The following HSPA12B variants were observed in gnomAD, a reference collection of about 807,000 sequenced individuals.
The protein encoded by HSPA12B is heat shock protein family A (Hsp70) member 12B, also known as heat shock 70 kDa protein 12B.
Under a neutral mutation model 69.3 loss-of-function variants are expected in HSPA12B, and 54 were observed. The observed-to-expected ratio is 0.78, with a 90% CI of 0.63 to 0.98. The LOEUF (loss-of-function observed/expected upper bound fraction) is 0.98, where lower values mean the gene tolerates loss of function less well. HSPA12B is among the 50% of genes least tolerant of loss of function. The pLI is 0.00. For missense variants in HSPA12B, 929 were observed against 999.8 expected (o/e 0.93, Z 0.96); for synonymous variants, 441 against 436.5 (o/e 1.01, Z -0.13).
intron 11 of HSPA12B, among the ~76,000 whole-genome samples, chr20:3,750,463 G>A (rs962603145): frequency 6.6e-6 from 1 of 152,134 alleles, no homozygotes; most frequent in Non-Finnish European, 1.5e-5. Flanking sequence ...AATCATAGCG[G>A]GGAGGCGGCA....
At position 3,732,706 on chromosome 20, in the gene HSPA12B, G is replaced by T. The variant is rs2088049650; in HGVS notation, c.-106G>T. On this transcript the variant is annotated 5_prime_UTR_variant, in exon 1 of 13. Transcript: ENST00000254963. The stretch of plus-strand genomic sequence containing the variant: ...CCTCAGGGCCGGGCGCACGTCGAGG[G>T]CTGCGGCCGCCGCAGCGGGCACGGC... 1 of 151,580 alleles carries T rather than the reference G, an allele frequency of 6.6e-6. No homozygotes were observed. Among genetic ancestry groups the T allele is most frequent in the Admixed American group, 6.6e-5 (1 of 15,154 alleles). The allele number at this position is 151,580 out of a possible 1,614,324, so 9.4% of individuals were successfully genotyped here. A position where few individuals can be genotyped will look rare whatever the true frequency, so the allele number is the denominator to read the frequency against.
chr20:3,734,017 T>G (rs2146548063), intron 1 of HSPA12B, among the ~76,000 whole-genome samples: 1 of 152,242 alleles, frequency 6.6e-6, no homozygotes, highest in South Asian at 2.1e-4. Flanking sequence ...AGGCAAAGGG[T>G]TGGGCCCCTG....
At position 3,750,232 on chromosome 20, in the gene HSPA12B, G is replaced by T. The variant is rs1410162898; in HGVS notation, c.1301+5G>T. ...GACCGCTCTGCGCAGGAGCAGGTGG[G>T]TCCTGAGCCCGCGGGCTCAGGCAGG... On this transcript the variant is annotated splice_donor_5th_base_variant and intron_variant, in intron 11 of 12. Coordinates refer to ENST00000254963, the MANE Select transcript of HSPA12B (RefSeq NM_052970.5). 6.3e-7 allele frequency: 1 copy of T among 1,583,254 alleles called. No individual in the cohort carries two copies. Among genetic ancestry groups the T allele is most frequent in the South Asian group, 1.1e-5 (1 of 89,444 alleles).
At chr20:3,750,751 G>A in intron 11 of HSPA12B, 53 bp from the exon 12 acceptor site, 2 of 1,611,620 alleles carry the variant, frequency 1.2e-6, no homozygotes, top group Admixed American at 3.3e-5. Context: ...CCCAAACTGG[G>A]GCAAGCAGCT....
intron 1 of HSPA12B, among the ~76,000 whole-genome samples, chr20:3,735,373 A>G (rs2088092882): frequency 6.6e-6 from 1 of 152,084 alleles, no homozygotes; most frequent in Admixed American, 6.6e-5. Flanking sequence ...ACAATGAGAG[A>G]CGGTAGATAA....
rs188556710 is a variant in HSPA12B at position 3,737,771 on chromosome 20, G to A, written c.-17-887G>A. On this transcript the variant is annotated intron_variant, in intron 1 of 12. Transcript: ENST00000254963. This position sits in a 1 kb window ranked among gnomAD's most constrained non-coding sequence, Gnocchi z 4.1. ...TAATCCCAGCACTTTGAGAGGCCGA[G>A]GTGGGCGGATCACCTGAGGTCAGGA... Among the ~76,000 whole-genome samples the A allele has an allele frequency of 6.6e-6, 1 of 152,306 alleles. No individual in the cohort carries two copies. Among genetic ancestry groups the A allele is most frequent in the East Asian group, 1.9e-4 (1 of 5,184 alleles).
chr20:3,750,131 G>A lies in HSPA12B; in HGVS notation c.1205G>A (p.Arg402His). The change falls in exon 11 of 13, where the codon CGT becomes CAT. Residue 402 changes from arginine (R) to histidine (H), a missense_variant. Around this residue, in one of 3 missense-constraint regions of HSPA12B, gnomAD observed 448 missense variants for 448.1 expected, o/e 1.00. Coordinates refer to ENST00000254963, the MANE Select transcript of HSPA12B (RefSeq NM_052970.5). ...CGCAAGCGCACTGCTGGCCCACACC[G>A]TGCAGGGGCGCTCAACATCTCGCTG... Reference protein sequence around the residue: ...EARKRTAGPHRAGALNISLPF... With the variant: ...EARKRTAGPHHAGALNISLPF... 1 of 1,611,928 alleles carries A rather than the reference G, an allele frequency of 6.2e-7. No homozygotes were observed.
At chr20:3,734,234 G>C (rs115366715) in intron 1 of HSPA12B, among the ~76,000 whole-genome samples, 33 of 152,316 alleles carry the variant, frequency 2.2e-4, no homozygotes, top group African/African-American at 7.2e-4. Context: ...GATACTCTGG[G>C]ATGGGAGTCT....
Position 3,752,071 on chromosome 20 carries a change from G to A in HSPA12B, c.1966G>A (p.Ala656Thr), listed in dbSNP as rs368204979. 3.3e-5 allele frequency: 51 copies of A among 1,537,802 alleles called. 1 individual carries two copies. The highest frequency in any genetic ancestry group is 2.0e-4 in the Admixed American group (10 of 50,488). ...APPGRREIRAAMQFGDTEIKV... is the reference protein window; with the variant it reads ...APPGRREIRATMQFGDTEIKV... Reference sequence around the variant, plus strand: ...TCCCGGCCGCCGCGAGATCCGCGCCGCCATGCAGTTTGGCGACACCGAAAT... The same window carrying A: ...TCCCGGCCGCCGCGAGATCCGCGCCACCATGCAGTTTGGCGACACCGAAAT... The change falls in exon 13 of 13, where the codon GCC becomes ACC. Residue 656 changes from alanine (A) to threonine (T), a missense_variant. Transcript: ENST00000254963.
rs560672784 is a variant in HSPA12B at position 3,748,547 on chromosome 20, G to A, written c.850+156G>A. Among the ~76,000 whole-genome samples the A allele has an allele frequency of 7.2e-5, 11 of 152,338 alleles. No homozygotes were observed. The East Asian group carries it at 2.1e-3, about 29-fold the overall frequency. The stretch of plus-strand genomic sequence containing the variant: ...ACATGGCTGGTGGAGCCTGTCTGAG[G>A]AAGGGAGGCACAGCCCTGCCCAAGG... On this transcript the variant is annotated intron_variant, in intron 8 of 12. Coordinates refer to ENST00000254963, the MANE Select transcript of HSPA12B (RefSeq NM_052970.5).
chr20:3,748,459 C>A, intron 8 of HSPA12B, 68 bp downstream of exon 8: 3 of 1,359,792 alleles, frequency 2.2e-6, no homozygotes, highest in Non-Finnish European at 2.9e-6. Context: ...AGAAGCTCAG[C>A]CATGTCTAGT....
At position 3,744,993 on chromosome 20, in the gene HSPA12B, T is replaced by C. The variant is rs767401550; in HGVS notation, c.358T>C (p.Tyr120His). The change falls in exon 5 of 13, where the codon TAC becomes CAC. Residue 120 changes from tyrosine to histidine, a missense_variant. Coordinates refer to ENST00000254963, the MANE Select transcript of HSPA12B (RefSeq NM_052970.5). The surrounding 1 kb of genome is among the most constrained non-coding windows in gnomAD (Gnocchi z 4.9). The stretch of plus-strand genomic sequence containing the variant: ...GGAGGGCGCCTTCCACAGCTTTGGC[T>C]ACACCGCCCGCGATTACTACCATGA... ...TPEGAFHSFG[Y>H]TARDYYHDLD... 1 of 1,614,006 alleles carries C rather than the reference T, an allele frequency of 6.2e-7. No individual in the cohort carries two copies.
intron 11 of HSPA12B, among the ~76,000 whole-genome samples, 183 bp downstream of exon 11, chr20:3,750,410 C>T (rs1451260160): frequency 1.3e-5 from 2 of 152,184 alleles, no homozygotes; most frequent in African/African-American, 4.8e-5. Flanking sequence ...GCCCAGCAGG[C>T]TCCACCCACG....
Position 3,748,316 on chromosome 20 carries a change from C to T in HSPA12B, c.775C>T (p.Leu259=). 1 of 1,611,858 alleles carries T rather than the reference C, an allele frequency of 6.2e-7. No individual in the cohort carries two copies. The highest frequency in any genetic ancestry group is 8.5e-7 in the Non-Finnish European group (1 of 1,179,134). The stretch of plus-strand genomic sequence containing the variant: ...CCGCAAGCTGCGCCTGCACCAGCTC[C>T]TGGACCTGAGTGGCCGGGCCCCAGG... The part of the protein sequence containing the change: ...YCRKLRLHQL[L]DLSGRAPGGG... The change falls in exon 8 of 13, where the codon CTG becomes TTG. Residue 259 remains leucine, a synonymous_variant. Coordinates refer to ENST00000254963, the MANE Select transcript of HSPA12B (RefSeq NM_052970.5).
At chr20:3,735,043 C>A (rs1012298178) in intron 1 of HSPA12B, among the ~76,000 whole-genome samples, 1 of 152,086 alleles carries the variant, frequency 6.6e-6, no homozygotes, top group Admixed American at 6.6e-5. Flanking sequence ...CAGCCCTTAA[C>A]ACAGATTGAT....
Position 3,749,617 on chromosome 20 carries a change from C to A in HSPA12B, c.938-133C>A. 1 of 671,444 alleles carries A rather than the reference C, an allele frequency of 1.5e-6. No individual in the cohort carries two copies. Among genetic ancestry groups the A allele is most frequent in the Non-Finnish European group, 2.5e-6 (1 of 401,310 alleles). The allele number at this position is 671,444 out of a possible 1,614,324, so 41.6% of individuals were successfully genotyped here. On this transcript the variant is annotated intron_variant, in intron 9 of 12. Transcript: ENST00000254963. The surrounding 1 kb of genome is among the most constrained non-coding windows in gnomAD (Gnocchi z 5.5). ...TGAGGTTCAAGCACCTGAAGCCCCTCACGTCCCTCCCCCGACCCTGCAGAC... is the reference window on the plus strand; with the variant it reads ...TGAGGTTCAAGCACCTGAAGCCCCTAACGTCCCTCCCCCGACCCTGCAGAC...
chr20:3,740,774 C>A lies in HSPA12B; in HGVS notation c.44-41C>A, dbSNP rs1372624036. 6.4e-7 allele frequency: 1 copy of A among 1,570,240 alleles called. No homozygotes were observed. The highest frequency in any genetic ancestry group is 1.3e-5 in the African/African-American group (1 of 74,108). On this transcript the variant is annotated intron_variant, in intron 2 of 12. Coordinates refer to ENST00000254963, the MANE Select transcript of HSPA12B (RefSeq NM_052970.5). This position sits in a 1 kb window ranked among gnomAD's most constrained non-coding sequence, Gnocchi z 4.9. ...GCTTGGGGCCCCGCTGCCATACCTA[C>A]CCTGCTTGTGCCAGGATGAACTGCC... is the stretch of plus-strand genomic sequence containing the variant.
chr20:3,736,884 A>T (rs1386393427), intron 1 of HSPA12B, among the ~76,000 whole-genome samples: 1 of 151,998 alleles, frequency 6.6e-6, no homozygotes, highest in Non-Finnish European at 1.5e-5. Flanking sequence ...TTAGCCAGGC[A>T]TTTTTAGGTG....
intron 7 of HSPA12B, 28 bp from the exon 8 acceptor site, chr20:3,748,189 C>G: frequency 4.0e-6 from 6 of 1,513,626 alleles, no homozygotes; most frequent in Non-Finnish European, 5.3e-6. Context: ...CACAGTGCTG[C>G]CTGACCCTGC....
Sources: gnomAD v4.1 joint callset for allele counts (sites outside exome capture counted in the v4.1 genomes callset) on GRCh38, gnomAD v4.1.1 for gene constraint, gnomAD v4.1.1 regional missense constraint, Gnocchi (gnomAD v3.1) non-coding constraint, MANE v1.5 for transcripts, NCBI Gene and HGNC (gene_info 2026-07-23, HGNC 2026-07-21) for gene names.